The following DGKH variants were observed in gnomAD, a reference collection of about 807,000 sequenced individuals.
DGKH encodes the protein diacylglycerol kinase eta.
A neutral mutation model predicts 159.3 loss-of-function variants in DGKH; 90 were observed. That is an observed-to-expected ratio of 0.57 (90% CI 0.48 to 0.67). The LOEUF is 0.67. Ranked by LOEUF, DGKH falls within the 30% of genes least tolerant of loss-of-function variation. The pLI is 0.00. For synonymous variants in DGKH, 536 were observed against 553.8 expected, an observed-to-expected ratio of 0.97 and a Z score of 0.45; for missense variants, 1,181 against 1,506.1, an observed-to-expected ratio of 0.78 and a Z score of 3.57.
chr13:42,114,393 G>T (rs1305271104), intron 1 of DGKH, among the ~76,000 whole-genome samples: 2 of 152,166 alleles, frequency 1.3e-5, no homozygotes, highest in African/African-American at 4.8e-5. Context: ...CGGAATGTCA[G>T]TGTTCATTCA....
Position 42,229,890 on chromosome 13 carries a change from C to T in DGKH, c.*702C>T, listed in dbSNP as rs1958243674. The T allele has an allele frequency of 6.6e-6, 1 of 152,242 alleles. No homozygotes were observed. The highest frequency in any genetic ancestry group is 1.5e-5 in the Non-Finnish European group (1 of 68,028). 9.4% of individuals were successfully genotyped at this position (152,242 alleles called of 1,614,324 possible). On this transcript the variant is annotated 3_prime_UTR_variant, in exon 30 of 30. Coordinates refer to ENST00000337343, the MANE Select transcript of DGKH (RefSeq NM_178009.5). Reference sequence around the variant, plus strand: ...AGTACATTTTTGTTGGTTAAGGGCACTGCACTTTTCTGTTTTTTAATGTGG... The same window carrying T: ...AGTACATTTTTGTTGGTTAAGGGCATTGCACTTTTCTGTTTTTTAATGTGG...
At chr13:42,199,939 A>G (rs200375900) in intron 20 of DGKH, 30 bp downstream of exon 20, 30 of 1,544,842 alleles carry the variant, frequency 1.9e-5, no homozygotes, top group Non-Finnish European at 2.5e-5. Flanking sequence ...AAGATATTTC[A>G]TATTATCTTA....
chr13:42,184,707 A>T (rs559900138), intron 13 of DGKH, among the ~76,000 whole-genome samples: 13 of 151,818 alleles, frequency 8.6e-5, no homozygotes, highest in African/African-American at 2.4e-4. Context: ...ACCAAAAAAA[A>T]TTTTTTTAAA....
rs567461107 is a variant in DGKH at position 42,242,755 on chromosome 13, C to T, written c.*13567C>T. 1.1e-4 allele frequency: 16 copies of T among 152,120 alleles called. No homozygotes were observed. Among genetic ancestry groups the T allele is most frequent in the Admixed American group, 6.5e-4 (10 of 15,270 alleles). 9.4% of individuals were successfully genotyped at this position (152,120 alleles called of 1,614,324 possible). A position where few individuals can be genotyped will look rare whatever the true frequency, so the allele number is the denominator to read the frequency against. The stretch of plus-strand genomic sequence containing the variant: ...GATGCATGATTATGTATTTATTGTA[C>T]GGAAGTCACTGACGTGTGTATTTTT... On this transcript the variant is annotated 3_prime_UTR_variant, in exon 30 of 30. Transcript: ENST00000337343.
At chr13:42,187,234 G>A in intron 14 of DGKH, 86 bp downstream of exon 14, 2 of 1,106,192 alleles carry the variant, frequency 1.8e-6, no homozygotes, top group East Asian at 2.4e-5. Context: ...TGATTAGGTG[G>A]TTTTCCTGCC....
At chr13:42,223,903 C>T (rs1392657231) in intron 29 of DGKH, among the ~76,000 whole-genome samples, 1 of 152,068 alleles carries the variant, frequency 6.6e-6, no homozygotes, top group Non-Finnish European at 1.5e-5. Context: ...CCTCCCACTC[C>T]CTTACCCCTC....
chr13:42,238,741 G>A lies in DGKH; in HGVS notation c.*9553G>A, dbSNP rs1958465267. 6.6e-6 allele frequency: 1 copy of A among 152,054 alleles called. No homozygotes were observed. The highest frequency in any genetic ancestry group is 1.5e-5 in the Non-Finnish European group (1 of 67,984). 9.4% of individuals were successfully genotyped at this position (152,054 alleles called of 1,614,324 possible). On this transcript the variant is annotated 3_prime_UTR_variant, in exon 30 of 30. Coordinates refer to ENST00000337343, the MANE Select transcript of DGKH (RefSeq NM_178009.5). ...TGTCTTTATTAATTAATGGAACTCTGGGTATGATTAAGGGAATTAAATTAG... is the reference window on the plus strand; with the variant it reads ...TGTCTTTATTAATTAATGGAACTCTAGGTATGATTAAGGGAATTAAATTAG...
At position 42,229,184 on chromosome 13, in the gene DGKH, T is replaced by G; in HGVS notation, c.3659T>G (p.Val1220Gly). The part of the protein sequence containing the change: ...ELGRSTPQSE[V>G] ...GGAAGGAGCACTCCACAGTCGGAGGTGTAATCATATTGGTGCTATTTCTTG... is the reference window on the plus strand; with the variant it reads ...GGAAGGAGCACTCCACAGTCGGAGGGGTAATCATATTGGTGCTATTTCTTG... Residue 1220 changes from valine (V) to glycine (G), a missense_variant, in exon 30 of 30, where the codon GTG becomes GGG. Around this residue, in one of 5 missense-constraint regions of DGKH, gnomAD observed 84 missense variants for 77.9 expected, o/e 1.08. Transcript: ENST00000337343. The G allele has an allele frequency of 6.2e-7, 1 of 1,608,150 alleles. No homozygotes were observed. Among genetic ancestry groups the G allele is most frequent in the Non-Finnish European group, 8.5e-7 (1 of 1,178,444 alleles).
intron 25 of DGKH, 102 bp from the exon 26 acceptor site, chr13:42,215,473 T>A: frequency 1.1e-6 from 1 of 869,708 alleles, no homozygotes; most frequent in South Asian, 2.6e-5. Context: ...ATTAAAAATG[T>A]GTGCTGTGAA....
At position 42,199,898 on chromosome 13, in the gene DGKH, G is replaced by A; in HGVS notation, c.2482G>A (p.Val828Ile). 1.9e-6 allele frequency: 3 copies of A among 1,609,748 alleles called. No homozygotes were observed. Among genetic ancestry groups the A allele is most frequent in the Admixed American group, 1.7e-5 (1 of 59,268 alleles). Residue 828 changes from valine (V) to isoleucine (I), a missense_variant, in exon 20 of 30, where the codon GTT becomes ATT. Coordinates refer to ENST00000337343, the MANE Select transcript of DGKH (RefSeq NM_178009.5). ...QRSYKNLEQR[V>I]QLECDGQYIP... ...ATCGTACAAGAATTTAGAACAAAGG[G>A]TTCAACTTGAGGTAAGTTCATCTTA...
chr13:42,155,628 C>T, intron 4 of DGKH, 39 bp from the exon 5 acceptor site: 8 of 1,613,660 alleles, frequency 5.0e-6, no homozygotes, highest in Non-Finnish European at 6.8e-6. Flanking sequence ...TAGCCTTGTT[C>T]ACTGGCTTGG....
intron 1 of DGKH, chr13:42,069,348 A>T: frequency 7.2e-7 from 1 of 1,379,958 alleles, no homozygotes; most frequent in East Asian, 2.3e-5. Flanking sequence ...TAATTGAGCC[A>T]GATTTGCCAT....
intron 5 of DGKH, among the ~76,000 whole-genome samples, chr13:42,156,231 G>T (rs1321629598): frequency 6.6e-6 from 1 of 151,818 alleles, no homozygotes; most frequent in Non-Finnish European, 1.5e-5. Context: ...TAAAAATAAG[G>T]CCTATGCTGT....
Position 42,159,271 on chromosome 13 carries a change from A to AT in DGKH, c.628_629insT (p.Lys210IlefsTer15). On this transcript the variant is annotated frameshift_variant, in exon 6 of 30. Transcript: ENST00000337343. LOFTEE classifies it high-confidence loss of function. Reference sequence around the variant, plus strand: ...TTTTTTTTTTTTTTTTTTAGTGTGTAAATTCAAGGCTCACAAAAGATGTGC... The same window carrying AT: ...TTTTTTTTTTTTTTTTTTAGTGTGTATAATTCAAGGCTCACAAAAGATGTGC... 6.2e-6 allele frequency: 1 copy of AT among 160,866 alleles called. No homozygotes were observed. The highest frequency in any genetic ancestry group is 1.1e-4 in the East Asian group (1 of 8,996). The allele number at this position is 160,866 out of a possible 1,614,324, so 10.0% of individuals were successfully genotyped here. A position where few individuals can be genotyped will look rare whatever the true frequency, so the allele number is the denominator to read the frequency against.
chr13:42,130,181 T>TTGTAA (rs1365843267), intron 3 of DGKH, among the ~76,000 whole-genome samples: 2 of 152,220 alleles, frequency 1.3e-5, no homozygotes, highest in African/African-American at 4.8e-5. Context: ...TCTTCAGATC[T>TTGTAA]TGTAAGATCA....
At chr13:42,251,784 C>T (rs993960957) in intron 29 of DGKH, among the ~76,000 whole-genome samples, 1 of 152,190 alleles carries the variant, frequency 6.6e-6, no homozygotes, top group Non-Finnish European at 1.5e-5. Flanking sequence ...GTGTATAATG[C>T]TTAGATATTT....
intron 30 of DGKH, among the ~76,000 whole-genome samples, chr13:42,254,469 T>A (rs955316535): frequency 6.6e-6 from 1 of 152,014 alleles, no homozygotes; most frequent in Non-Finnish European, 1.5e-5. Flanking sequence ...CTGTCCCTAC[T>A]GAAAATACAA....
chr13:42,155,617 G>A (rs759132220), intron 4 of DGKH, 50 bp from the exon 5 acceptor site: 42 of 1,613,194 alleles, frequency 2.6e-5, no homozygotes, highest in Non-Finnish European at 3.6e-5. Flanking sequence ...TTCAGCATCT[G>A]TAGCCTTGTT....
chr13:42,221,102 T>A (rs1023158995), intron 28 of DGKH, 162 bp from the exon 29 acceptor site: 8 of 873,276 alleles, frequency 9.2e-6, no homozygotes, highest in African/African-American at 3.4e-5. Flanking sequence ...GTAACTTGCA[T>A]GGGAAAAAGT....
Sources: allele counts gnomAD v4.1 joint callset (sites outside exome capture counted in the v4.1 genomes callset), GRCh38; gene constraint gnomAD v4.1.1; regional missense constraint gnomAD v4.1.1; transcripts MANE v1.5; gene names NCBI Gene and HGNC (gene_info 2026-07-23, HGNC 2026-07-21).